The following PLAAT3 variants were observed in gnomAD, a reference collection of about 807,000 sequenced individuals.
PLAAT3 encodes the protein phospholipase A and acyltransferase 3.
Under a neutral mutation model 16.7 loss-of-function variants are expected in PLAAT3, and 21 were observed. The observed-to-expected ratio is 1.26, with a 90% confidence interval of 0.89 to 1.81. The LOEUF is 1.81. Among genes scored for constraint, PLAAT3 ranks in the 40% most tolerant of loss-of-function variants. PLAAT3 has a pLI of 0.00. For synonymous variants in PLAAT3, 76 were observed against 81.7 expected (o/e 0.93, Z 0.38); for missense variants, 219 against 213.7 (o/e 1.02, Z -0.16).
At chr11:63,615,290 ATATATATGTGTG>A (rs869149053), upstream of PLAAT3, among the ~76,000 whole-genome samples, 621 of 21,610 alleles carry the variant, frequency 0.029, 117 homozygotes, top group African/African-American at 0.057. Context: ...ATATATGTGT[ATATATATGTGTG>A]TATATATGTG....
intron 4 of PLAAT3, among the ~76,000 whole-genome samples, chr11:63,582,163 C>T (rs757425331): frequency 2.6e-5 from 4 of 152,192 alleles, no homozygotes; most frequent in Non-Finnish European, 5.9e-5. Context: ...TAACCACTAT[C>T]CTCTCCCATT....
intron 2 of PLAAT3, among the ~76,000 whole-genome samples, chr11:63,610,773 T>C (rs1433621822): frequency 6.6e-6 from 1 of 152,162 alleles, no homozygotes; most frequent in African/African-American, 2.4e-5. Flanking sequence ...TGGGGTTTCA[T>C]TTCCTTGGCA....
At position 63,574,944 on chromosome 11, in the gene PLAAT3, G is replaced by A; in HGVS notation, c.*1C>T. On this transcript the variant is annotated 3_prime_UTR_variant, in exon 5 of 5. Coordinates refer to ENST00000415826, the MANE Select transcript of PLAAT3 (RefSeq NM_001128203.2). ...ATCGCTGACAGGACAGTCTTTTTCA[G>A]TTATTGCTTTTGTCGCTTGTTTCTT... is the stretch of plus-strand genomic sequence containing the variant. The A allele has an allele frequency of 6.3e-7, 1 of 1,583,484 alleles. No individual in the cohort carries two copies. Among genetic ancestry groups the A allele is most frequent in the African/African-American group, 1.3e-5 (1 of 74,466 alleles).
At chr11:63,599,031 C>T (rs932942445) in intron 2 of PLAAT3, among the ~76,000 whole-genome samples, 3 of 152,184 alleles carry the variant, frequency 2.0e-5, no homozygotes, top group Admixed American at 6.5e-5. Context: ...ATCCATTCAA[C>T]ATTATCCACG....
intron 4 of PLAAT3, among the ~76,000 whole-genome samples, chr11:63,583,263 G>C (rs1185462348): frequency 6.6e-6 from 1 of 152,224 alleles, no homozygotes; most frequent in Non-Finnish European, 1.5e-5. Context: ...TTTTGTGGCA[G>C]CCATGGTTCT....
Position 63,585,274 on chromosome 11 carries a change from C to T in PLAAT3, c.387+4826G>A, listed in dbSNP as rs562854867. On this transcript the variant is annotated intron_variant, in intron 4 of 4. Coordinates refer to ENST00000415826, the MANE Select transcript of PLAAT3 (RefSeq NM_001128203.2). ...TCTTGACCTCATGATCTGCCCGCCT[C>T]GGCCTCTCAAAGTGCTGGGATTACA... Among the ~76,000 whole-genome samples, 136 of 152,024 alleles carry T rather than the reference C, an allele frequency of 8.9e-4. 1 individual carries two copies. Among genetic ancestry groups the T allele is most frequent in the Middle Eastern group, 3.4e-3 (1 of 292 alleles).
chr11:63,576,714 G>A (rs1037278481), intron 4 of PLAAT3, among the ~76,000 whole-genome samples: 7 of 152,156 alleles, frequency 4.6e-5, no homozygotes, highest in African/African-American at 1.7e-4. Flanking sequence ...GAGGGTAAGA[G>A]AATAGTAACA....
chr11:63,609,557 G>A (rs1245734365), intron 2 of PLAAT3, among the ~76,000 whole-genome samples: 2 of 152,216 alleles, frequency 1.3e-5, no homozygotes, highest in Non-Finnish European at 2.9e-5. Flanking sequence ...TTATGCCTAC[G>A]AGAGGGTTGA....
intron 4 of PLAAT3, among the ~76,000 whole-genome samples, chr11:63,580,293 A>G (rs1169321179): frequency 1.3e-5 from 2 of 152,226 alleles, no homozygotes; most frequent in Non-Finnish European, 2.9e-5. Flanking sequence ...TAAATATATC[A>G]TGCTACATGG....
rs1430419134 is a variant in PLAAT3, at chr11:63,590,220, G to T, written c.267C>A (p.Cys89Ter). ...CCTCCGCCCGCTGGATGATTTTGCTGCAGGGCAGCGGCGAGTACTTGTCAT... is the reference window on the plus strand; with the variant it reads ...CCTCCGCCCGCTGGATGATTTTGCTTCAGGGCAGCGGCGAGTACTTGTCAT... ...KHDDKYSPLP[C>*]SKIIQRAEEL... The change falls in exon 4 of 5, where the codon TGC (cysteine) becomes TGA (stop). Residue 89 changes from cysteine to a stop codon, truncating the protein, a stop_gained. Coordinates refer to ENST00000415826, the MANE Select transcript of PLAAT3 (RefSeq NM_001128203.2). LOFTEE classifies it high-confidence loss of function. 6.2e-7 allele frequency: 1 copy of T among 1,614,236 alleles called. No individual in the cohort carries two copies. The highest frequency in any genetic ancestry group is 2.2e-5 in the East Asian group (1 of 44,884).
At position 63,587,528 on chromosome 11, in the gene PLAAT3, TTTTTTTGTTTG is replaced by T. The variant is rs1938013859; in HGVS notation, c.387+2561_387+2571del. Among the ~76,000 whole-genome samples the T allele has an allele frequency of 2.0e-5, 3 of 151,730 alleles. No homozygotes were observed. The South Asian group carries it at 6.2e-4, about 31-fold the overall frequency. ...AAGATATTTTCAGGCATGCAAGATC[TTTTTTTGTTTG>T]TTTTTTGTTTCTTGGGTCTTTTTTT... On this transcript the variant is annotated intron_variant, in intron 4 of 4. Coordinates refer to ENST00000415826, the MANE Select transcript of PLAAT3 (RefSeq NM_001128203.2).
chr11:63,615,258 A>ATGTG (rs1565260007), upstream of PLAAT3, among the ~76,000 whole-genome samples: 1 of 119,310 alleles, frequency 8.4e-6, no homozygotes, highest in African/African-American at 3.1e-5. Flanking sequence ...GTGTGTGTAT[A>ATGTG]TATATGTGTG....
At chr11:63,580,982 A>G (rs184838911) in intron 4 of PLAAT3, among the ~76,000 whole-genome samples, 19 of 152,344 alleles carry the variant, frequency 1.2e-4, no homozygotes, top group Admixed American at 7.8e-4. Flanking sequence ...CTTTACTGCA[A>G]TCTCTGAACA....
chr11:63,594,303 C>T lies in PLAAT3; in HGVS notation c.118+3758G>A, dbSNP rs529189012. ...AGGGTTTGGGCTTAGGAGATATTGACAAATAGAAGGTATTGGAAGCTAAGG... is the reference window on the plus strand; with the variant it reads ...AGGGTTTGGGCTTAGGAGATATTGATAAATAGAAGGTATTGGAAGCTAAGG... On this transcript the variant is annotated intron_variant, in intron 3 of 4. Transcript: ENST00000415826. Among the ~76,000 whole-genome samples the T allele has an allele frequency of 2.0e-5, 3 of 152,050 alleles. No individual in the cohort carries two copies. In the South Asian group the frequency reaches 6.3e-4, roughly 32 times the overall value.
At position 63,598,124 on chromosome 11, in the gene PLAAT3, G is replaced by A; in HGVS notation, c.55C>T (p.Pro19Ser). 3.1e-6 allele frequency: 5 copies of A among 1,614,108 alleles called. No individual in the cohort carries two copies. The highest frequency in any genetic ancestry group is 4.2e-6 in the Non-Finnish European group (5 of 1,179,970). ...KPGDLIEIFR[P>S]FYRHWAIYVG... ...TAGATGGCCCAGTGTCTGTAGAAAG[G>A]GCGAAAAATCTCAATCAGGTCTCCA... Residue 19 changes from proline to serine, a missense_variant, in exon 3 of 5, where the codon CCT becomes TCT. Transcript: ENST00000415826.
At chr11:63,598,227 G>T in intron 2 of PLAAT3, 64 bp from the exon 3 acceptor site, 2 of 1,107,362 alleles carry the variant, frequency 1.8e-6, no homozygotes, top group Non-Finnish European at 2.8e-6. Flanking sequence ...ACAGGGCTCA[G>T]TGAGGAAGGT....
chr11:63,585,315 GC>G (rs1460538344), intron 4 of PLAAT3, among the ~76,000 whole-genome samples: 1 of 152,140 alleles, frequency 6.6e-6, no homozygotes, highest in African/African-American at 2.4e-5. Flanking sequence ...GAGCCACTGC[GC>G]CCGGCCAGAA....
At chr11:63,589,413 G>GAA (rs59025930) in intron 4 of PLAAT3, among the ~76,000 whole-genome samples, 1 of 124,840 alleles carries the variant, frequency 8.0e-6, no homozygotes. Context: ...CCTATGCAAA[G>GAA]AAAAAAAAAA....
At position 63,600,496 on chromosome 11, in the gene PLAAT3, G is replaced by A. The variant is rs150879337; in HGVS notation, c.16-2333C>T. Among the ~76,000 whole-genome samples, 100 of 152,324 alleles carry A rather than the reference G, an allele frequency of 6.6e-4. No individual in the cohort carries two copies. The East Asian group carries it at 0.015, about 23-fold the overall frequency. ...AAAGTGATCTGTGATTGTCACAGGG[G>A]TTGAGGAGAGGGACTGACTAGCAAG... is the stretch of plus-strand genomic sequence containing the variant. On this transcript the variant is annotated intron_variant, in intron 2 of 4. Transcript: ENST00000415826.
Sources: allele counts gnomAD v4.1 joint callset (sites outside exome capture counted in the v4.1 genomes callset), GRCh38; gene constraint gnomAD v4.1.1; transcripts MANE v1.5; gene names NCBI Gene and HGNC (gene_info 2026-07-23, HGNC 2026-07-21).